The following GCLC variants were observed in gnomAD, a reference collection of about 807,000 sequenced individuals.
The protein encoded by GCLC is glutamate-cysteine ligase catalytic subunit.
Under a neutral mutation model 81.5 loss-of-function variants are expected in GCLC, and 30 were observed. The observed-to-expected ratio is 0.37, with a 90% CI of 0.28 to 0.50. The LOEUF is 0.50. GCLC is among the 20% of genes least tolerant of loss of function. The pLI is 0.96. For synonymous variants in GCLC, 262 were observed against 273.3 expected, an observed-to-expected ratio of 0.96 and a Z score of 0.41; for missense variants, 556 against 777.4, an observed-to-expected ratio of 0.72 and a Z score of 3.39.
chr6:53,518,947 ACT>A (rs1467129302), intron 3 of GCLC, among the ~76,000 whole-genome samples: 1 of 152,054 alleles, frequency 6.6e-6, no homozygotes, highest in African/African-American at 2.4e-5. Flanking sequence ...CAGTTCACTG[ACT>A]CTGTCATCTT....
At position 53,508,753 on chromosome 6, in the gene GCLC, CACTT is replaced by C. The variant is rs749561483; in HGVS notation, c.829-46_829-43del. 17 of 1,289,518 alleles carry C rather than the reference CACTT, an allele frequency of 1.3e-5. No individual in the cohort carries two copies. In the South Asian group the frequency reaches 1.9e-4, roughly 14 times the overall value. The allele number at this position is 1,289,518 out of a possible 1,614,324, so 79.9% of individuals were successfully genotyped here. A position where few individuals can be genotyped will look rare whatever the true frequency, so the allele number is the denominator to read the frequency against. On this transcript the variant is annotated intron_variant, in intron 7 of 15. Transcript: ENST00000650454. ...GTCAGCTCCTGCAAATTCAAAGTGTCACTTACATGCTAAAAAAAGCTCCATGCAG... is the reference window on the plus strand; with the variant it reads ...GTCAGCTCCTGCAAATTCAAAGTGTCACATGCTAAAAAAAGCTCCATGCAG...
At chr6:53,503,978 T>C (rs1323608830) in intron 12 of GCLC, among the ~76,000 whole-genome samples, 1 of 152,204 alleles carries the variant, frequency 6.6e-6, no homozygotes, top group East Asian at 1.9e-4. Context: ...ACTTGTTTTA[T>C]GGATGTGACT....
chr6:53,507,085 T>G, intron 9 of GCLC, 60 bp from the exon 10 acceptor site: 1 of 932,640 alleles, frequency 1.1e-6, no homozygotes, highest in Non-Finnish European at 1.8e-6. Flanking sequence ...TTCCTCTTAG[T>G]CCAGAAAGAC....
chr6:53,500,818 TAC>T (rs1174102239), intron 12 of GCLC: 4 of 433,712 alleles, frequency 9.2e-6, no homozygotes, highest in Admixed American at 3.5e-5. Flanking sequence ...GCAACAGATA[TAC>T]AGTGTTGGGA....
chr6:53,526,808 A>C (rs1763090710), intron 1 of GCLC, among the ~76,000 whole-genome samples: 1 of 152,082 alleles, frequency 6.6e-6, no homozygotes, highest in African/African-American at 2.4e-5. Flanking sequence ...AAAAAAAAAA[A>C]AAAAAAAAAC....
At chr6:53,515,343 TTGACATC>T (rs1337669643) in intron 4 of GCLC, among the ~76,000 whole-genome samples, 1 of 152,250 alleles carries the variant, frequency 6.6e-6, no homozygotes, top group Non-Finnish European at 1.5e-5. Context: ...GGTGCATCTT[TTGACATC>T]TGTCATAATC....
intron 1 of GCLC, among the ~76,000 whole-genome samples, chr6:53,524,415 T>C (rs1334042195): frequency 6.6e-6 from 1 of 152,224 alleles, no homozygotes; most frequent in East Asian, 1.9e-4. Context: ...TAATACTGGA[T>C]GAAACTATCT....
Position 53,506,909 on chromosome 6 carries a change from A to T in GCLC, c.1197+4T>A. On this transcript the variant is annotated splice_donor_region_variant and intron_variant, in intron 10 of 15. Transcript: ENST00000650454. The surrounding 1 kb of genome is among the most constrained non-coding windows in gnomAD (Gnocchi z 4.0). ...AATAAATAAAAATAAAACTGAGAAG[A>T]TACCTCAAAATGGTCAGACTCATTA... is the stretch of plus-strand genomic sequence containing the variant. The T allele has an allele frequency of 7.2e-7, 1 of 1,390,770 alleles. No homozygotes were observed. The highest frequency in any genetic ancestry group is 1.0e-6 in the Non-Finnish European group (1 of 976,108). The allele number at this position is 1,390,770 out of a possible 1,614,324, so 86.2% of individuals were successfully genotyped here.
intron 1 of GCLC, among the ~76,000 whole-genome samples, chr6:53,539,892 C>T (rs1291527732): frequency 4.6e-5 from 7 of 152,224 alleles, no homozygotes; most frequent in Non-Finnish European, 1.0e-4. Context: ...GACCTGTCTT[C>T]ACACTTCTAT....
intron 1 of GCLC, among the ~76,000 whole-genome samples, chr6:53,524,733 T>C (rs1425456940): frequency 6.6e-6 from 1 of 152,256 alleles, no homozygotes; most frequent in Non-Finnish European, 1.5e-5. Flanking sequence ...GATACTTCCT[T>C]GCTTACTGAG....
chr6:53,506,654 A>C lies in GCLC; in HGVS notation c.1197+259T>G, dbSNP rs1392468157. The C allele has an allele frequency of 9.1e-6, 4 of 438,092 alleles. No individual in the cohort carries two copies. Among genetic ancestry groups the C allele is most frequent in the African/African-American group, 2.0e-5 (1 of 50,022 alleles). 27.1% of individuals were successfully genotyped at this position (438,092 alleles called of 1,614,324 possible). A position where few individuals can be genotyped will look rare whatever the true frequency, so the allele number is the denominator to read the frequency against. On this transcript the variant is annotated intron_variant, in intron 10 of 15. Coordinates refer to ENST00000650454, the MANE Select transcript of GCLC (RefSeq NM_001498.4). This position sits in a 1 kb window ranked among gnomAD's most constrained non-coding sequence, Gnocchi z 4.0. ...CTAGGCAAATAAGAAAATACTGAACAATAAAAAAAAAAATTAGAATCAGTG... is the reference window on the plus strand; with the variant it reads ...CTAGGCAAATAAGAAAATACTGAACCATAAAAAAAAAAATTAGAATCAGTG...
intron 3 of GCLC, among the ~76,000 whole-genome samples, chr6:53,518,235 T>G (rs185474875): frequency 1.3e-5 from 2 of 152,238 alleles, no homozygotes; most frequent in South Asian, 4.1e-4. Flanking sequence ...CTTAAGATGC[T>G]GAATCTTTTT....
At chr6:53,529,158 C>T (rs1763131110) in intron 1 of GCLC, among the ~76,000 whole-genome samples, 1 of 152,196 alleles carries the variant, frequency 6.6e-6, no homozygotes. Flanking sequence ...TTGTACTAGA[C>T]AGCACTGGAC....
chr6:53,511,535 C>A (rs1193730903), intron 6 of GCLC, among the ~76,000 whole-genome samples: 1 of 152,024 alleles, frequency 6.6e-6, no homozygotes, highest in Non-Finnish European at 1.5e-5. Context: ...TAGGTGAATC[C>A]TGGGAAATTC....
intron 1 of GCLC, among the ~76,000 whole-genome samples, chr6:53,527,226 C>T (rs7765165): frequency 0.011 from 1,693 of 152,272 alleles, 31 homozygotes; most frequent in African/African-American, 0.039. Flanking sequence ...GTAGAGTATG[C>T]GTGCAGGGCA....
intron 3 of GCLC, among the ~76,000 whole-genome samples, chr6:53,516,862 T>C (rs943967128): frequency 2.0e-5 from 3 of 152,052 alleles, no homozygotes; most frequent in African/African-American, 7.2e-5. Context: ...CACAGAAAAA[T>C]GAAGCTCCAT....
chr6:53,522,035 A>G (rs1763008617), intron 2 of GCLC, among the ~76,000 whole-genome samples: 1 of 152,264 alleles, frequency 6.6e-6, no homozygotes, highest in Non-Finnish European at 1.5e-5. Context: ...TATATCTTGC[A>G]TCATGGTTTG....
intron 1 of GCLC, among the ~76,000 whole-genome samples, chr6:53,535,624 G>A (rs9463945): frequency 0.015 from 2,272 of 152,206 alleles, 48 homozygotes; most frequent in African/African-American, 0.052. Flanking sequence ...TATAGAGAAC[G>A]CTCAAAACTC....
At chr6:53,510,921 A>G (rs17885463) in intron 6 of GCLC, among the ~76,000 whole-genome samples, 4 of 152,220 alleles carry the variant, frequency 2.6e-5, no homozygotes, top group Non-Finnish European at 4.4e-5. Context: ...GTTAAAGTAG[A>G]CACAAATTGA....
Sources: allele counts gnomAD v4.1 joint callset (sites outside exome capture counted in the v4.1 genomes callset), GRCh38; gene constraint gnomAD v4.1.1; non-coding constraint Gnocchi (gnomAD v3.1); transcripts MANE v1.5; gene names NCBI Gene and HGNC (gene_info 2026-07-23, HGNC 2026-07-21).